The following OXR1 variants were observed in gnomAD, a reference collection of about 807,000 sequenced individuals.
OXR1 encodes the protein oxidation resistance protein 1.
Under a neutral mutation model 104.6 loss-of-function variants are expected in OXR1, and 41 were observed. That is an observed-to-expected ratio of 0.39 (90% CI 0.31 to 0.51). OXR1 has a LOEUF of 0.51. Ranked by LOEUF, OXR1 falls within the 20% of genes least tolerant of loss-of-function variation. The pLI, the probability that OXR1 is intolerant of heterozygous loss-of-function variation, is 0.77. For synonymous variants in OXR1, 348 were observed against 348.4 expected (o/e 1.00, Z 0.01); for missense variants, 955 against 1,031.9 (o/e 0.93, Z 1.02).
At chr8:106,357,176 A>C (rs1423861781) in intron 1 of OXR1, among the ~76,000 whole-genome samples, 1 of 151,944 alleles carries the variant, frequency 6.6e-6, no homozygotes, top group African/African-American at 2.4e-5. Flanking sequence ...ATTGCATCAG[A>C]CAATATTCCA....
chr8:106,391,200 A>T (rs1255328688), intron 2 of OXR1, among the ~76,000 whole-genome samples: 1 of 152,206 alleles, frequency 6.6e-6, no homozygotes, highest in Admixed American at 6.5e-5. Context: ...ATGAGGATTC[A>T]TTAGGTTATC....
chr8:106,566,224 A>T (rs191705325), intron 3 of OXR1, among the ~76,000 whole-genome samples: 143 of 152,302 alleles, frequency 9.4e-4, no homozygotes, highest in Middle Eastern at 3.4e-3. Flanking sequence ...CCATCTATCC[A>T]TCTGACAAAG....
In OXR1 at chr8:106,362,989, A is replaced by G. The variant is rs1208048519; in HGVS notation, c.23+3353A>G. Among the ~76,000 whole-genome samples, 3 of 152,164 alleles carry G rather than the reference A, an allele frequency of 2.0e-5. No individual in the cohort carries two copies. In the East Asian group the frequency reaches 5.8e-4, roughly 29 times the overall value. Reference sequence around the variant, plus strand: ...AGATGACATCTTTTTGACCCAAATTATTTTTCACTGTGATGCCTGCACACA... The same window carrying G: ...AGATGACATCTTTTTGACCCAAATTGTTTTTCACTGTGATGCCTGCACACA... On this transcript the variant is annotated intron_variant, in intron 2 of 16. Transcript: ENST00000517566.
At chr8:106,308,241 T>C (rs1177211775) in intron 1 of OXR1, among the ~76,000 whole-genome samples, 2 of 152,144 alleles carry the variant, frequency 1.3e-5, no homozygotes, top group African/African-American at 4.8e-5. Flanking sequence ...ATGTCCCAGG[T>C]TGTCAGAATT....
chr8:106,270,653 C>G (rs1336836357), intron 1 of OXR1, among the ~76,000 whole-genome samples: 2 of 151,864 alleles, frequency 1.3e-5, no homozygotes, highest in African/African-American at 4.8e-5. Context: ...GACCGGGCGG[C>G]GAGGGAGGAG....
intron 11 of OXR1, among the ~76,000 whole-genome samples, chr8:106,721,866 A>T (rs1426764511): frequency 6.6e-6 from 1 of 152,176 alleles, no homozygotes. Flanking sequence ...AACATTTATC[A>T]CATTATGTCA....
chr8:106,577,421 C>T (rs1368055302), intron 3 of OXR1, among the ~76,000 whole-genome samples: 2 of 109,092 alleles, frequency 1.8e-5, no homozygotes, highest in African/African-American at 3.5e-5. Flanking sequence ...CAGAGTCTCT[C>T]TTCTGTCAGC....
intron 2 of OXR1, among the ~76,000 whole-genome samples, chr8:106,518,391 C>T (rs1451248902): frequency 6.6e-6 from 1 of 152,120 alleles, no homozygotes; most frequent in Non-Finnish European, 1.5e-5. Flanking sequence ...TTTTTGCTTT[C>T]CATGTTAGGC....
intron 2 of OXR1, among the ~76,000 whole-genome samples, chr8:106,436,565 C>T (rs1482456012): frequency 6.6e-6 from 1 of 151,836 alleles, no homozygotes. Context: ...CAGGACCTTA[C>T]AATTTCAAGT....
At chr8:106,699,809 T>C (rs980976407) in intron 7 of OXR1, among the ~76,000 whole-genome samples, 1 of 152,202 alleles carries the variant, frequency 6.6e-6, no homozygotes, top group African/African-American at 2.4e-5. Context: ...AGTCGTTTTT[T>C]CTTTTTTCAT....
intron 3 of OXR1, among the ~76,000 whole-genome samples, chr8:106,625,581 T>C (rs1822080342): frequency 6.6e-6 from 1 of 152,232 alleles, no homozygotes; most frequent in South Asian, 2.1e-4. Context: ...AAATCATGTG[T>C]TGGTCACTGT....
intron 1 of OXR1, among the ~76,000 whole-genome samples, chr8:106,315,529 A>T (rs1813893397): frequency 6.6e-6 from 1 of 152,136 alleles, no homozygotes; most frequent in Non-Finnish European, 1.5e-5. Context: ...TTCTTTTCTG[A>T]TACTAAGACA....
chr8:106,610,330 A>C (rs2130796034), intron 3 of OXR1, among the ~76,000 whole-genome samples: 1 of 152,256 alleles, frequency 6.6e-6, no homozygotes, highest in South Asian at 2.1e-4. Context: ...TCATCTTCTA[A>C]GTAGTCCCCT....
chr8:106,274,182 G>T (rs1489405475), intron 1 of OXR1, among the ~76,000 whole-genome samples: 1 of 152,096 alleles, frequency 6.6e-6, no homozygotes, highest in African/African-American at 2.4e-5. Flanking sequence ...ATTTGAAATC[G>T]ACAGCATGGA....
chr8:106,586,503 TA>T (rs1818639854), intron 3 of OXR1, among the ~76,000 whole-genome samples: 1 of 152,198 alleles, frequency 6.6e-6, no homozygotes. Flanking sequence ...GCTAAATCTC[TA>T]AATTGAGAAA....
intron 11 of OXR1, among the ~76,000 whole-genome samples, chr8:106,731,225 C>T (rs1833861557): frequency 6.6e-6 from 1 of 152,034 alleles, no homozygotes; most frequent in African/African-American, 2.4e-5. Flanking sequence ...TGTTTGATAT[C>T]TTACTGTTAT....
At chr8:106,707,366 C>A in intron 9 of OXR1, 1 of 638,278 alleles carries the variant, frequency 1.6e-6, no homozygotes, top group Non-Finnish European at 2.8e-6. Flanking sequence ...CATTGCTACC[C>A]ACCATGTTTA....
At chr8:106,563,876 T>C (rs1586818121) in intron 3 of OXR1, among the ~76,000 whole-genome samples, 1 of 152,188 alleles carries the variant, frequency 6.6e-6, no homozygotes, top group African/African-American at 2.4e-5. Flanking sequence ...AGCAGCCTAC[T>C]CCTGAATGAC....
At position 106,740,405 on chromosome 8, in the gene OXR1, A is replaced by G. The variant is rs532512417; in HGVS notation, c.2226A>G (p.Gly742=). The G allele has an allele frequency of 3.7e-6, 6 of 1,613,142 alleles. No individual in the cohort carries two copies. The East Asian group carries it at 8.9e-5, about 24-fold the overall frequency. Residue 742 remains glycine, a synonymous_variant, in exon 14 of 17, where the codon GGA becomes GGG. Transcript: ENST00000517566. ...CATGGACTCTTGTTTATGGTACTGGAAAACATGGCACAAGCTTGAAAACTC... is the reference window on the plus strand; with the variant it reads ...CATGGACTCTTGTTTATGGTACTGGGAAACATGGCACAAGCTTGAAAACTC... ...GYPWTLVYGT[G]KHGTSLKTLY...
Sources: gnomAD v4.1 joint callset for allele counts (sites outside exome capture counted in the v4.1 genomes callset) on GRCh38, gnomAD v4.1.1 for gene constraint, MANE v1.5 for transcripts, NCBI Gene and HGNC (gene_info 2026-07-23, HGNC 2026-07-21) for gene names.